The following NR4A3 variants were observed in gnomAD, a reference collection of about 807,000 sequenced individuals.
NR4A3 encodes chondrosarcoma, extraskeletal myxoid, fused to EWS.
NR4A3 carries 13 observed loss-of-function variants against 55.6 expected under a neutral mutation model. The ratio of observed to expected loss-of-function variants is 0.23; its 90% CI spans 0.15 to 0.37. The LOEUF is 0.37. NR4A3 is among the 10% of genes least tolerant of loss of function. The pLI is 1.00. For synonymous variants in NR4A3, 342 were observed against 357.9 expected (o/e 0.96, Z 0.50); for missense variants, 646 against 822.8 (o/e 0.79, Z 2.63).
chr9:99,849,852 A>G (rs1287667091), intron 7 of NR4A3, among the ~76,000 whole-genome samples: 1 of 152,194 alleles, frequency 6.6e-6, no homozygotes, highest in African/African-American at 2.4e-5. Context: ...AAAGTACCAC[A>G]TGTGATGCAA....
chr9:99,857,064 A>G lies in NR4A3; in HGVS notation c.1634-6556A>G, dbSNP rs571252386. Reference sequence around the variant, plus strand: ...GATACAGGAAGCATGGAGATCAGTCAAGAGCTATTAAAATAATCTAGATAG... The same window carrying G: ...GATACAGGAAGCATGGAGATCAGTCGAGAGCTATTAAAATAATCTAGATAG... On this transcript the variant is annotated intron_variant, in intron 7 of 7. Coordinates refer to ENST00000395097, the MANE Select transcript of NR4A3 (RefSeq NM_006981.4). Among the ~76,000 whole-genome samples the G allele has an allele frequency of 5.3e-5, 8 of 152,374 alleles. No individual in the cohort carries two copies. In the East Asian group the frequency reaches 1.5e-3, roughly 29 times the overall value.
At position 99,832,709 on chromosome 9, in the gene NR4A3, A is replaced by C. The variant is rs1434134067; in HGVS notation, c.972A>C (p.Ala324=). The change falls in exon 4 of 8, where the codon GCA becomes GCC. Residue 324 remains alanine (A), a synonymous_variant. Transcript: ENST00000395097. ...CTCAGAGAACAGTGCAGAAAAATGC[A>C]AAATATGTTTGCCTGGCAAATAAAA... ...GFFKRTVQKN[A]KYVCLANKNC... 13 of 1,609,230 alleles carry C rather than the reference A, an allele frequency of 8.1e-6. No individual in the cohort carries two copies. In the Admixed American group the frequency reaches 2.2e-4, roughly 27 times the overall value.
chr9:99,828,384 G>A lies in NR4A3; in HGVS notation c.342G>A (p.Gln114=). Residue 114 remains glutamine, a synonymous_variant, in exon 3 of 8, where the codon CAG becomes CAA. Coordinates refer to ENST00000395097, the MANE Select transcript of NR4A3 (RefSeq NM_006981.4). This position sits in a 1 kb window ranked among gnomAD's most constrained non-coding sequence, Gnocchi z 7.7. Reference sequence around the variant, plus strand: ...ACCATCACCAGCAGCAGCATCAGCAGCCATCCATTCCTCCAGCCTCCAGCC... The same window carrying A: ...ACCATCACCAGCAGCAGCATCAGCAACCATCCATTCCTCCAGCCTCCAGCC... ...HHHHHQQQHQ[Q]PSIPPASSPE... 1 of 1,594,224 alleles carries A rather than the reference G, an allele frequency of 6.3e-7. No homozygotes were observed. The highest frequency in any genetic ancestry group is 2.2e-5 in the East Asian group (1 of 44,736).
At chr9:99,829,016 C>A in intron 3 of NR4A3, 23 bp downstream of exon 3, 2 of 1,316,152 alleles carry the variant, frequency 1.5e-6, no homozygotes, top group South Asian at 2.1e-5. Flanking sequence ...CGCCCCCTCC[C>A]CTCCGCACCC....
At chr9:99,827,909 C>A in intron 2 of NR4A3, 132 bp from the exon 3 acceptor site, 1 of 1,115,566 alleles carries the variant, frequency 9.0e-7, no homozygotes, top group South Asian at 1.5e-5. Flanking sequence ...TGTGTCTATG[C>A]TACCAGAAGG....
In NR4A3 at chr9:99,844,874, T is replaced by G. The variant is rs113273448; in HGVS notation, c.1454+26T>G. The stretch of plus-strand genomic sequence containing the variant: ...GTAATTACTACTATTTTATCTTCAG[T>G]CTACGTCCTTTGAAGAAGCCTGAAA... On this transcript the variant is annotated intron_variant, in intron 6 of 7. Transcript: ENST00000395097. The G allele has an allele frequency of 1.0e-5, 16 of 1,560,796 alleles. 1 individual carries two copies. The South Asian group carries it at 1.8e-4, about 17-fold the overall frequency.
intron 3 of NR4A3, among the ~76,000 whole-genome samples, chr9:99,830,367 A>G (rs1384665828): frequency 6.6e-6 from 1 of 152,270 alleles, no homozygotes; most frequent in African/African-American, 2.4e-5. Flanking sequence ...AGATAAAAAT[A>G]TATATGAAAG....
chr9:99,839,267 A>T (rs1250926983), intron 5 of NR4A3, among the ~76,000 whole-genome samples: 1 of 152,240 alleles, frequency 6.6e-6, no homozygotes, highest in Non-Finnish European at 1.5e-5. Flanking sequence ...ACCTAAGAAT[A>T]TGTATACATA....
rs1008302648 is a variant in NR4A3 at position 99,844,709 on chromosome 9, A to G, written c.1315A>G (p.Asn439Asp). Residue 439 changes from asparagine (N) to aspartate (D), a missense_variant, in exon 6 of 8, where the codon AAC becomes GAC. Transcript: ENST00000395097. The stretch of plus-strand genomic sequence containing the variant: ...TGCTGAGCATGTGCAACAATTCTAC[A>G]ACCTCCTGACAGCCTCCATTGATGT... Reference protein sequence around the residue: ...TDAEHVQQFYNLLTASIDVSR... With the variant: ...TDAEHVQQFYDLLTASIDVSR... The G allele has an allele frequency of 4.3e-6, 7 of 1,614,048 alleles. No homozygotes were observed. The highest frequency in any genetic ancestry group is 5.9e-6 in the Non-Finnish European group (7 of 1,180,034).
chr9:99,852,228 C>T (rs1485920886), intron 7 of NR4A3, among the ~76,000 whole-genome samples: 5 of 152,136 alleles, frequency 3.3e-5, no homozygotes, highest in Non-Finnish European at 5.9e-5. Flanking sequence ...AAGGGCATGG[C>T]AGTTGAATGC....
At chr9:99,841,858 T>G (rs1827656104) in intron 5 of NR4A3, among the ~76,000 whole-genome samples, 1 of 152,170 alleles carries the variant, frequency 6.6e-6, no homozygotes, top group Non-Finnish European at 1.5e-5. Flanking sequence ...TGGTTCCAGC[T>G]ACTCAAGAGG....
At chr9:99,829,109 A>T (rs1827389196) in intron 3 of NR4A3, 116 bp downstream of exon 3, 7 of 1,154,368 alleles carry the variant, frequency 6.1e-6, no homozygotes, top group African/African-American at 1.6e-5. Flanking sequence ...TCGGCACATC[A>T]TGCTTTCCTA....
chr9:99,826,852 C>T (rs575744773), intron 2 of NR4A3: 2 of 1,535,838 alleles, frequency 1.3e-6, no homozygotes, highest in South Asian at 1.1e-5. Flanking sequence ...CTCTATTAGT[C>T]ACACCTTTTA....
chr9:99,862,983 G>A (rs1828034283), intron 7 of NR4A3, among the ~76,000 whole-genome samples: 1 of 151,872 alleles, frequency 6.6e-6, no homozygotes, highest in African/African-American at 2.4e-5. Flanking sequence ...AAGTGGGGGG[G>A]AACAAAACAA....
chr9:99,835,402 G>T (rs1396842281), intron 5 of NR4A3, among the ~76,000 whole-genome samples: 1 of 152,124 alleles, frequency 6.6e-6, no homozygotes, highest in East Asian at 1.9e-4. Context: ...CCTAAAATCT[G>T]GGCTCCTAAA....
In NR4A3 at chr9:99,853,167, A is replaced by G. The variant is rs181790414; in HGVS notation, c.1633+5552A>G. On this transcript the variant is annotated intron_variant, in intron 7 of 7. Transcript: ENST00000395097. ...CAGGTTTCTTATAAAAATTGAATGA[A>G]CTAATATGTACTATGCAGAAAAAAA... 5.8e-4 allele frequency among the ~76,000 whole-genome samples: 89 copies of G among 152,232 alleles called. No individual in the cohort carries two copies. The Middle Eastern group carries it at 0.01, about 17-fold the overall frequency.
chr9:99,866,465 T>C lies in NR4A3; in HGVS notation c.*2598T>C. 1 of 227,122 alleles carries C rather than the reference T, an allele frequency of 4.4e-6. No individual in the cohort carries two copies. The highest frequency in any genetic ancestry group is 8.8e-6 in the Non-Finnish European group (1 of 113,932). The allele number at this position is 227,122 out of a possible 1,614,324, so 14.1% of individuals were successfully genotyped here. ...GCTTTTTTAGTAATAGGTCCAGATA[T>C]GAGTGCTAAAAATAAAGATGATAGC... On this transcript the variant is annotated 3_prime_UTR_variant, in exon 8 of 8. Transcript: ENST00000395097.
chr9:99,833,661 C>A, intron 5 of NR4A3: 1 of 1,587,958 alleles, frequency 6.3e-7, no homozygotes, highest in Non-Finnish European at 8.5e-7. Context: ...AATGCCTTAA[C>A]AAGTGACCCT....
At chr9:99,847,332 C>T in intron 6 of NR4A3, 105 bp from the exon 7 acceptor site, 1 of 1,039,284 alleles carries the variant, frequency 9.6e-7, no homozygotes, top group South Asian at 1.5e-5. Context: ...ACACTGGGGT[C>T]CCAATGCTGC....
Sources: allele counts gnomAD v4.1 joint callset (sites outside exome capture counted in the v4.1 genomes callset), GRCh38; gene constraint gnomAD v4.1.1; non-coding constraint Gnocchi (gnomAD v3.1); transcripts MANE v1.5; gene names NCBI Gene and HGNC (gene_info 2026-07-23, HGNC 2026-07-21).